Variants in CDH12 observed in about 807,000 individuals in gnomAD.
The protein encoded by CDH12 is cadherin-12.
CDH12 carries 41 observed loss-of-function variants against 74.1 expected under a neutral mutation model. The ratio of observed to expected loss-of-function variants is 0.55; its 90% CI spans 0.43 to 0.72. CDH12 has a LOEUF of 0.72. CDH12 is among the 30% of genes least tolerant of loss of function. The pLI, the probability that CDH12 is intolerant of heterozygous loss-of-function variation, is 0.00. For synonymous variants in CDH12, 399 were observed against 355.0 expected (o/e 1.12, Z -1.39); for missense variants, 945 against 977.2 (o/e 0.97, Z 0.44).
chr5:22,808,605 C>CTTTTTTTTTTTTTTTT (rs34567315), intron 1 of CDH12, among the ~76,000 whole-genome samples: 1 of 111,484 alleles, frequency 9.0e-6, no homozygotes, highest in Non-Finnish European at 1.8e-5. Context: ...CTTTTCTTGT[C>CTTTTTTTTTTTTTTTT]TTTTTTTTTT....
intron 1 of CDH12, among the ~76,000 whole-genome samples, chr5:22,769,565 G>A (rs943232562): frequency 2.6e-5 from 4 of 152,034 alleles, no homozygotes; most frequent in East Asian, 3.9e-4. Flanking sequence ...GTGGGACTTC[G>A]CCCTGTGATT....
chr5:21,866,243 G>A (rs1395376400), intron 6 of CDH12, among the ~76,000 whole-genome samples: 1 of 152,186 alleles, frequency 6.6e-6, no homozygotes, highest in Non-Finnish European at 1.5e-5. Context: ...TACCAGTAGA[G>A]TAGGGCACTG....
At chr5:22,033,677 T>C (rs1397455343) in intron 5 of CDH12, among the ~76,000 whole-genome samples, 1 of 152,122 alleles carries the variant, frequency 6.6e-6, no homozygotes, top group African/African-American at 2.4e-5. Flanking sequence ...TCAAAAGTAA[T>C]GTGGATGGAT....
chr5:22,004,407 T>C (rs1246100340), intron 5 of CDH12, among the ~76,000 whole-genome samples: 6 of 152,106 alleles, frequency 3.9e-5, no homozygotes, highest in Admixed American at 1.3e-4. Flanking sequence ...CCTAAATCCT[T>C]GGAGTGGCCT....
intron 1 of CDH12, among the ~76,000 whole-genome samples, chr5:22,778,342 A>G (rs1338768149): frequency 6.6e-6 from 1 of 152,136 alleles, no homozygotes. Context: ...TCCCATGGGG[A>G]ATTTCTCTTC....
At chr5:21,784,228 T>C (rs976051982) in intron 10 of CDH12, among the ~76,000 whole-genome samples, 1 of 152,250 alleles carries the variant, frequency 6.6e-6, no homozygotes, top group African/African-American at 2.4e-5. Flanking sequence ...AGAAAATGCA[T>C]GTATTTAAAT....
At chr5:22,105,376 A>T (rs1196346097) in intron 4 of CDH12, among the ~76,000 whole-genome samples, 2 of 148,028 alleles carry the variant, frequency 1.4e-5, no homozygotes, top group Non-Finnish European at 3.0e-5. Context: ...TACAGGCATG[A>T]GCCACCAAGC....
intron 3 of CDH12, among the ~76,000 whole-genome samples, chr5:22,328,050 A>T (rs554814757): frequency 1.1e-4 from 17 of 152,118 alleles, no homozygotes; most frequent in Non-Finnish European, 2.1e-4. Flanking sequence ...TTGTTTGGAA[A>T]TGGAGGTTGG....
chr5:21,753,777 T>G (rs1744231464), intron 14 of CDH12, among the ~76,000 whole-genome samples: 1 of 152,102 alleles, frequency 6.6e-6, no homozygotes, highest in Admixed American at 6.6e-5. Context: ...GATAAATGAG[T>G]GGCAGATGGT....
At chr5:22,244,571 GAGTA>G (rs1410079961) in intron 3 of CDH12, among the ~76,000 whole-genome samples, 2 of 107,540 alleles carry the variant, frequency 1.9e-5, no homozygotes, top group South Asian at 3.9e-4. Context: ...GAGAAAGAGA[GAGTA>G]AGTAAGAGAA....
At chr5:22,028,215 C>T (rs1738524167) in intron 5 of CDH12, among the ~76,000 whole-genome samples, 1 of 152,064 alleles carries the variant, frequency 6.6e-6, no homozygotes. Flanking sequence ...CAGGGATGCC[C>T]TCTCTCACCA....
intron 1 of CDH12, among the ~76,000 whole-genome samples, chr5:22,832,324 G>A (rs911131278): frequency 3.9e-5 from 6 of 152,270 alleles, no homozygotes; most frequent in South Asian, 4.1e-4. Context: ...ATATTAAAAC[G>A]TTAGCCAATA....
At chr5:22,648,681 T>C (rs1739569729) in intron 1 of CDH12, among the ~76,000 whole-genome samples, 1 of 151,940 alleles carries the variant, frequency 6.6e-6, no homozygotes, top group South Asian at 2.1e-4. Flanking sequence ...ATGTTCATTA[T>C]ATTCACAGGC....
At chr5:22,495,563 C>G (rs886791809) in intron 2 of CDH12, among the ~76,000 whole-genome samples, 6 of 151,898 alleles carry the variant, frequency 4.0e-5, no homozygotes, top group African/African-American at 1.5e-4. Flanking sequence ...AAGAGTCTGA[C>G]AAGTTGGAAG....
chr5:21,776,627 C>T (rs1248445995), intron 11 of CDH12, among the ~76,000 whole-genome samples: 4 of 152,132 alleles, frequency 2.6e-5, no homozygotes, highest in African/African-American at 4.8e-5. Context: ...TATTTATGTG[C>T]CATCCTCCAC....
chr5:22,800,205 C>T (rs1156295509), intron 1 of CDH12, among the ~76,000 whole-genome samples: 1 of 152,094 alleles, frequency 6.6e-6, no homozygotes, highest in Non-Finnish European at 1.5e-5. Flanking sequence ...TGTATATTTT[C>T]CTGTTGTCAC....
At chr5:22,456,440 C>T (rs558904985) in intron 2 of CDH12, among the ~76,000 whole-genome samples, 1 of 151,974 alleles carries the variant, frequency 6.6e-6, no homozygotes, top group Non-Finnish European at 1.5e-5. Context: ...TGCTGATACT[C>T]TTAGTATATT....
chr5:22,599,413 GC>G (rs1736747258), intron 1 of CDH12, among the ~76,000 whole-genome samples: 1 of 152,138 alleles, frequency 6.6e-6, no homozygotes, highest in South Asian at 2.1e-4. Context: ...CTTAAATCTA[GC>G]CTAGAAATAA....
chr5:22,404,192 A>G (rs1434636108), intron 3 of CDH12, among the ~76,000 whole-genome samples: 2 of 152,024 alleles, frequency 1.3e-5, no homozygotes, highest in Non-Finnish European at 2.9e-5. Context: ...ATTTACACAC[A>G]CACACACACA....
Sources: allele counts gnomAD v4.1 joint callset (sites outside exome capture counted in the v4.1 genomes callset), GRCh38; gene constraint gnomAD v4.1.1; transcripts MANE v1.5; gene names NCBI Gene and HGNC (gene_info 2026-07-23, HGNC 2026-07-21).